Variants in IMMP2L observed in about 807,000 individuals in gnomAD.
The protein encoded by IMMP2L is mitochondrial inner membrane protease subunit 2.
IMMP2L carries 18 observed loss-of-function variants against 19.3 expected under a neutral mutation model. That is an observed-to-expected ratio of 0.93 (90% confidence interval 0.64 to 1.38). The LOEUF is 1.38. Ranked by LOEUF, IMMP2L falls within the 40% of genes most tolerant of loss-of-function variation. IMMP2L has a pLI of 0.00. For missense variants in IMMP2L, 233 were observed against 218.2 expected (o/e 1.07, Z -0.43); for synonymous variants, 76 against 73.0 (o/e 1.04, Z -0.21).
At chr7:111,503,116 C>G (rs1330165749) in intron 2 of IMMP2L, among the ~76,000 whole-genome samples, 1 of 152,004 alleles carries the variant, frequency 6.6e-6, no homozygotes, top group African/African-American at 2.4e-5. Flanking sequence ...CAAATAGACA[C>G]AATAAAAAAT....
chr7:111,377,885 T>C (rs556530759), intron 3 of IMMP2L, among the ~76,000 whole-genome samples: 7 of 152,124 alleles, frequency 4.6e-5, no homozygotes, highest in East Asian at 1.9e-4. Context: ...CATAATACTA[T>C]ACATAGTATT....
At chr7:111,471,269 A>G (rs982609194) in intron 3 of IMMP2L, among the ~76,000 whole-genome samples, 2 of 152,110 alleles carry the variant, frequency 1.3e-5, no homozygotes, top group East Asian at 1.9e-4. Context: ...TGGAAATAAG[A>G]GCAAAATGTA....
At chr7:110,669,213 A>G (rs1791719286) in intron 5 of IMMP2L, among the ~76,000 whole-genome samples, 1 of 152,072 alleles carries the variant, frequency 6.6e-6, no homozygotes, top group African/African-American at 2.4e-5. Flanking sequence ...AGCCGACTGG[A>G]GACCCAGGAA....
At chr7:111,171,000 ATAG>A (rs1806378818) in intron 3 of IMMP2L, among the ~76,000 whole-genome samples, 1 of 151,852 alleles carries the variant, frequency 6.6e-6, no homozygotes, top group African/African-American at 2.4e-5. Context: ...GGTTATATGA[ATAG>A]TTCTAATTGC....
intron 3 of IMMP2L, among the ~76,000 whole-genome samples, chr7:111,375,030 C>T (rs369129265): frequency 1.3e-5 from 2 of 151,954 alleles, no homozygotes. Flanking sequence ...TCCTTCATAG[C>T]GGGGGGTCTT....
chr7:111,384,627 C>G (rs1358953233), intron 3 of IMMP2L, among the ~76,000 whole-genome samples: 2 of 152,090 alleles, frequency 1.3e-5, no homozygotes, highest in East Asian at 3.9e-4. Context: ...TTTGACTCTT[C>G]AGCCAATCAC....
chr7:111,404,106 G>T (rs1380634963), intron 3 of IMMP2L, among the ~76,000 whole-genome samples: 1 of 152,008 alleles, frequency 6.6e-6, no homozygotes. Flanking sequence ...TATCTACTTG[G>T]CTAGAAAACA....
Position 111,324,175 on chromosome 7 carries a change from A to G in IMMP2L, c.239+163063T>C, listed in dbSNP as rs557527905. On this transcript the variant is annotated intron_variant, in intron 3 of 5. Transcript: ENST00000405709. ...AAAAGCTGGTTCTTTGAAACACTCA[A>G]CAAAATAGAAAAATTACTAGCCAAC... Among the ~76,000 whole-genome samples, 13 of 152,076 alleles carry G rather than the reference A, an allele frequency of 8.5e-5. No homozygotes were observed. The South Asian group carries it at 2.1e-3, about 24-fold the overall frequency.
intron 3 of IMMP2L, among the ~76,000 whole-genome samples, chr7:111,475,122 A>C (rs562426476): frequency 1.7e-4 from 26 of 152,302 alleles, no homozygotes; most frequent in African/African-American, 6.3e-4. Flanking sequence ...AATAAAGTGA[A>C]ACTTATACTT....
chr7:111,478,750 G>A (rs1841934931), intron 3 of IMMP2L, among the ~76,000 whole-genome samples: 1 of 152,008 alleles, frequency 6.6e-6, no homozygotes, highest in Admixed American at 6.6e-5. Flanking sequence ...AATAGTCCAT[G>A]TCTAATCATT....
At chr7:110,688,923 T>C (rs1363301979) in intron 5 of IMMP2L, among the ~76,000 whole-genome samples, 1 of 152,058 alleles carries the variant, frequency 6.6e-6, no homozygotes, top group East Asian at 1.9e-4. Context: ...CAAAAAGAGG[T>C]CTGAAAAGAT....
chr7:111,155,113 G>C (rs975176843), intron 3 of IMMP2L, among the ~76,000 whole-genome samples: 1 of 151,974 alleles, frequency 6.6e-6, no homozygotes, highest in Non-Finnish European at 1.5e-5. Context: ...AAGACGTATG[G>C]GTAATAATTT....
At chr7:110,762,047 C>A (rs950247676) in intron 5 of IMMP2L, among the ~76,000 whole-genome samples, 18 of 152,216 alleles carry the variant, frequency 1.2e-4, no homozygotes, top group African/African-American at 4.3e-4. Context: ...CTCTAACAGC[C>A]ATCATCCCTT....
At chr7:111,177,293 CCTCAT>C (rs1190085098) in intron 3 of IMMP2L, among the ~76,000 whole-genome samples, 18 of 152,162 alleles carry the variant, frequency 1.2e-4, no homozygotes, top group Admixed American at 5.9e-4. Context: ...GATCCTCCTA[CCTCAT>C]CCTCCTGGGT....
chr7:110,733,360 G>A (rs115133029), intron 5 of IMMP2L, among the ~76,000 whole-genome samples: 2,156 of 152,190 alleles, frequency 0.014, 53 homozygotes, highest in African/African-American at 0.049. Context: ...TCCCTGTCAA[G>A]GGAACCTCTG....
chr7:110,817,966 G>C (rs1802682387), intron 5 of IMMP2L, among the ~76,000 whole-genome samples: 1 of 152,088 alleles, frequency 6.6e-6, no homozygotes, highest in African/African-American at 2.4e-5. Flanking sequence ...ATTAATTCAA[G>C]ATGGGTTAAA....
At chr7:110,674,584 G>T (rs1016332988) in intron 5 of IMMP2L, among the ~76,000 whole-genome samples, 1 of 152,146 alleles carries the variant, frequency 6.6e-6, no homozygotes, top group African/African-American at 2.4e-5. Flanking sequence ...AAACAAAGCA[G>T]CAGTCAGATG....
chr7:110,999,270 A>G (rs1025102258), intron 3 of IMMP2L, among the ~76,000 whole-genome samples: 29 of 151,100 alleles, frequency 1.9e-4, no homozygotes, highest in African/African-American at 6.8e-4. Flanking sequence ...AGGTCTGGAA[A>G]TGGTCTGCTA....
chr7:110,967,570 C>A lies in IMMP2L; in HGVS notation c.240-4005G>T, dbSNP rs192917236. Among the ~76,000 whole-genome samples the A allele has an allele frequency of 5.1e-4, 77 of 152,162 alleles. 1 individual carries two copies. Among genetic ancestry groups the A allele is most frequent in the African/African-American group, 1.8e-3 (74 of 41,546 alleles). ...CACAGAATTAAAGTAACCTTAGCCA[C>A]AGTCTAATGTAATCACTGAACCTTT... is the stretch of plus-strand genomic sequence containing the variant. On this transcript the variant is annotated intron_variant, in intron 3 of 5. Transcript: ENST00000405709.
Sources: gnomAD v4.1 joint callset for allele counts (sites outside exome capture counted in the v4.1 genomes callset) on GRCh38, gnomAD v4.1.1 for gene constraint, MANE v1.5 for transcripts, NCBI Gene and HGNC (gene_info 2026-07-23, HGNC 2026-07-21) for gene names.